Variants in SRPK1 observed in about 807,000 individuals in gnomAD.
SRPK1 encodes SRSF protein kinase 1, also known as SFRS protein kinase 1.
A neutral mutation model predicts 89.5 loss-of-function variants in SRPK1; 52 were observed. The ratio of observed to expected loss-of-function variants is 0.58; its 90% CI spans 0.46 to 0.73. The LOEUF is 0.73. SRPK1 is among the 30% of genes least tolerant of loss of function. SRPK1 has a pLI of 0.00. For synonymous variants in SRPK1, 255 were observed against 270.2 expected, an observed-to-expected ratio of 0.94 and a Z score of 0.55; for missense variants, 603 against 780.6, an observed-to-expected ratio of 0.77 and a Z score of 2.71.
intron 2 of SRPK1, 141 bp from the exon 3 acceptor site, chr6:35,891,154 G>A: frequency 1.0e-6 from 1 of 968,584 alleles, no homozygotes; most frequent in South Asian, 2.9e-5. Flanking sequence ...GAAAATATTA[G>A]CTGTAGTTTT....
intron 14 of SRPK1, among the ~76,000 whole-genome samples, chr6:35,839,684 C>CT (rs371918821): frequency 0.064 from 8,781 of 136,544 alleles, 323 homozygotes; most frequent in African/African-American, 0.11. Flanking sequence ...GAATATAAAA[C>CT]TTTTTTTTTT....
At chr6:35,869,177 G>T (rs1426225457) in intron 11 of SRPK1, 67 bp from the exon 12 acceptor site, 4 of 1,320,260 alleles carry the variant, frequency 3.0e-6, no homozygotes, top group Non-Finnish European at 4.3e-6. Context: ...GAGTAATAAA[G>T]CTCTCCAAGG....
At chr6:35,916,225 C>CAAATAAAT (rs34486563) in intron 2 of SRPK1, among the ~76,000 whole-genome samples, 8,975 of 143,042 alleles carry the variant, frequency 0.063, 382 homozygotes, top group Non-Finnish European at 0.085. Context: ...GACTCTGCCT[C>CAAATAAAT]AAATAAATAA....
chr6:35,914,581 T>C (rs1036435983), intron 2 of SRPK1, among the ~76,000 whole-genome samples: 7 of 152,298 alleles, frequency 4.6e-5, no homozygotes, highest in South Asian at 2.1e-4. Flanking sequence ...CCCCCACTTA[T>C]CTTTCTCTTT....
In SRPK1 at chr6:35,880,076, G is replaced by GAA. The variant is rs34517286; in HGVS notation, c.479-5739_479-5738dup. Among the ~76,000 whole-genome samples, 271 of 95,828 alleles carry GAA rather than the reference G, an allele frequency of 2.8e-3. 3 individuals are homozygous for GAA. Among genetic ancestry groups the GAA allele is most frequent in the South Asian group, 5.2e-3 (16 of 3,100 alleles). 62.9% of individuals were successfully genotyped at this position (95,828 alleles called of 152,430 possible). On this transcript the variant is annotated intron_variant, in intron 6 of 15. Coordinates refer to ENST00000373825, the MANE Select transcript of SRPK1 (RefSeq NM_003137.5). ...CTTGACAGAGCAAGACCTTGTCTCA[G>GAA]AAAAAAAAAAAAAAAAGCTCAAAGA...
At position 35,872,593 on chromosome 6, in the gene SRPK1, A is replaced by T. The variant is rs1432684754; in HGVS notation, c.721T>A (p.Ser241Thr). ...GATCCGGAAGGCGGAGGAGCTCCAGATCGCTGCCATTCTGTTGCTTCTGCA... is the reference window on the plus strand; with the variant it reads ...GATCCGGAAGGCGGAGGAGCTCCAGTTCGCTGCCATTCTGTTGCTTCTGCA... Reference protein sequence around the residue: ...LAAEATEWQRSGAPPPSGSAV... With the variant: ...LAAEATEWQRTGAPPPSGSAV... Residue 241 changes from serine (S) to threonine (T), a missense_variant, in exon 8 of 16, where the codon TCT becomes ACT. Physicochemically the swap from Ser to Thr is moderately conservative, Grantham distance 58. Coordinates refer to ENST00000373825, the MANE Select transcript of SRPK1 (RefSeq NM_003137.5). 20 of 1,610,196 alleles carry T rather than the reference A, an allele frequency of 1.2e-5. No homozygotes were observed. Among genetic ancestry groups the T allele is most frequent in the Admixed American group, 8.4e-5 (5 of 59,552 alleles).
At chr6:35,864,856 T>C (rs1561976107) in intron 12 of SRPK1, among the ~76,000 whole-genome samples, 2 of 152,110 alleles carry the variant, frequency 1.3e-5, no homozygotes, top group East Asian at 1.9e-4. Flanking sequence ...TATTCAGCCA[T>C]AAAAAAGAAT....
intron 12 of SRPK1, among the ~76,000 whole-genome samples, chr6:35,866,480 G>T (rs1769907672): frequency 6.6e-6 from 1 of 152,174 alleles, no homozygotes; most frequent in Non-Finnish European, 1.5e-5. Context: ...AGCTACGCGG[G>T]AAGGGTGAGG....
chr6:35,920,732 C>T (rs1771217546), intron 1 of SRPK1: 1 of 126,176 alleles, frequency 7.9e-6, no homozygotes, highest in African/African-American at 6.3e-5. Flanking sequence ...GGAGGGGTCT[C>T]AGGCCGGGTC....
intron 12 of SRPK1, among the ~76,000 whole-genome samples, chr6:35,865,367 C>A (rs897459030): frequency 6.6e-6 from 1 of 152,052 alleles, no homozygotes. Flanking sequence ...AACAATCACA[C>A]TATCCAAAGC....
chr6:35,844,812 A>T (rs1480058315), intron 13 of SRPK1, among the ~76,000 whole-genome samples: 3 of 151,664 alleles, frequency 2.0e-5, no homozygotes, highest in Non-Finnish European at 2.9e-5. Context: ...CCAGTACTTT[A>T]AAAAAAAATC....
At chr6:35,846,221 T>C (rs1320494953) in intron 13 of SRPK1, among the ~76,000 whole-genome samples, 1 of 151,330 alleles carries the variant, frequency 6.6e-6, no homozygotes, top group Non-Finnish European at 1.5e-5. Context: ...GCCCAGGAGT[T>C]CAAGACCAGC....
At chr6:35,857,234 G>T in intron 13 of SRPK1, 27 bp downstream of exon 13, 1 of 1,555,870 alleles carries the variant, frequency 6.4e-7, no homozygotes, top group Non-Finnish European at 8.8e-7. Flanking sequence ...CACTTAACAA[G>T]TGAAAGCCAA....
intron 7 of SRPK1, among the ~76,000 whole-genome samples, chr6:35,873,649 C>A (rs1468069970): frequency 2.6e-5 from 4 of 151,678 alleles, no homozygotes; most frequent in African/African-American, 9.7e-5. Flanking sequence ...ACCACCACAC[C>A]CGGCTAATTT....
intron 6 of SRPK1, among the ~76,000 whole-genome samples, chr6:35,876,169 G>T (rs921450559): frequency 4.3e-5 from 6 of 139,482 alleles, no homozygotes; most frequent in Admixed American, 3.6e-4. Flanking sequence ...CACAAACACA[G>T]ATCAAAATTA....
intron 2 of SRPK1, among the ~76,000 whole-genome samples, chr6:35,911,343 G>C (rs1770955776): frequency 6.6e-6 from 1 of 152,090 alleles, no homozygotes; most frequent in Admixed American, 6.5e-5. Context: ...ATTAGACATG[G>C]ATCCTGAAGA....
intron 2 of SRPK1, among the ~76,000 whole-genome samples, chr6:35,909,868 G>A (rs1484403502): frequency 3.3e-5 from 5 of 152,166 alleles, no homozygotes; most frequent in Non-Finnish European, 5.9e-5. Flanking sequence ...TCCCAGCCAT[G>A]CTTCCTGGTA....
chr6:35,891,152 T>G, intron 2 of SRPK1, 139 bp from the exon 3 acceptor site: 4 of 982,464 alleles, frequency 4.1e-6, no homozygotes, highest in Non-Finnish European at 5.5e-6. Context: ...AGGAAAATAT[T>G]AGCTGTAGTT....
intron 13 of SRPK1, among the ~76,000 whole-genome samples, chr6:35,850,605 A>G (rs867300464): frequency 1.3e-5 from 2 of 152,230 alleles, no homozygotes; most frequent in African/African-American, 4.8e-5. Flanking sequence ...TATTAATCAA[A>G]GCAAATAAAT....
Sources: allele counts gnomAD v4.1 joint callset (sites outside exome capture counted in the v4.1 genomes callset), GRCh38; gene constraint gnomAD v4.1.1; transcripts MANE v1.5; gene names NCBI Gene and HGNC (gene_info 2026-07-23, HGNC 2026-07-21).